The following TMEM272 variants were observed in gnomAD, a reference collection of about 807,000 sequenced individuals.
TMEM272 encodes the protein long intergenic non-protein coding RNA 282.
Under a neutral mutation model 3.7 loss-of-function variants are expected in TMEM272, and 8 were observed. That is an observed-to-expected ratio of 2.17 (90% CI 1.27 to 3.91). The LOEUF is 3.91. Among genes scored for constraint, TMEM272 ranks in the 30% most tolerant of loss-of-function variants. The probability of loss-of-function intolerance (pLI) is 0.00; values close to 1 mark genes in which losing one functional copy is unlikely to be tolerated. For missense variants in TMEM272, 166 were observed against 91.5 expected (o/e 1.81, Z -3.32); for synonymous variants, 63 against 39.8 (o/e 1.58, Z -2.20).
the TMEM272 span, among the ~76,000 whole-genome samples, chr13:51,887,192 T>C: frequency 7.9e-4 from 120 of 152,314 alleles, no homozygotes; most frequent in African/African-American, 2.8e-3. Context: ...CTGGTGGTCT[T>C]ATGGGGGAGT....
chr13:51,825,507 A>G (rs1188792702), intron 3 of TMEM272, among the ~76,000 whole-genome samples: 1 of 152,152 alleles, frequency 6.6e-6, no homozygotes, highest in African/African-American at 2.4e-5. Context: ...TTAAGCAATT[A>G]GGGTACTGGG....
the TMEM272 span, among the ~76,000 whole-genome samples, chr13:51,918,172 G>A: frequency 7.9e-5 from 12 of 152,174 alleles, no homozygotes; most frequent in African/African-American, 2.2e-4. Context: ...TGTTTCTCTC[G>A]AAGGCCCTCT....
chr13:51,898,732 C>T, the TMEM272 span, among the ~76,000 whole-genome samples: 22 of 151,428 alleles, frequency 1.5e-4, no homozygotes, highest in African/African-American at 3.9e-4. Flanking sequence ...CCTGCTAAGA[C>T]GGCACTGTTG....
chr13:51,824,515 C>T (rs1195962152), intron 3 of TMEM272, among the ~76,000 whole-genome samples: 1 of 152,198 alleles, frequency 6.6e-6, no homozygotes, highest in African/African-American at 2.4e-5. Flanking sequence ...ACCAATATTG[C>T]TCTAGAAGCA....
chr13:51,831,696 G>T (rs1233782058), intron 2 of TMEM272, among the ~76,000 whole-genome samples: 1 of 152,248 alleles, frequency 6.6e-6, no homozygotes, highest in Non-Finnish European at 1.5e-5. Flanking sequence ...GGGGCATCTG[G>T]TTACCCACTC....
the TMEM272 span, among the ~76,000 whole-genome samples, chr13:51,894,796 A>G: frequency 1.3e-4 from 20 of 152,100 alleles, no homozygotes; most frequent in African/African-American, 4.6e-4. Context: ...TTTAGTGTGC[A>G]CTTGATTTCT....
At chr13:51,865,662 A>T in the TMEM272 span, 8 of 1,614,186 alleles carry the variant, frequency 5.0e-6, no homozygotes, top group Non-Finnish European at 6.8e-6. Flanking sequence ...CCTTTCTGGG[A>T]AGAGGAGAAA....
the TMEM272 span, chr13:51,865,928 C>T: frequency 6.2e-7 from 1 of 1,613,874 alleles, no homozygotes; most frequent in East Asian, 2.2e-5. Flanking sequence ...TAAAACGTCC[C>T]TCTGGGAGGA....
At chr13:51,833,124 G>GA (rs1168528202) in intron 2 of TMEM272, among the ~76,000 whole-genome samples, 6 of 152,026 alleles carry the variant, frequency 3.9e-5, no homozygotes, top group African/African-American at 1.2e-4. Flanking sequence ...TCTGTCAAAG[G>GA]AAAAAAGCCC....
the TMEM272 span, chr13:51,921,578 C>A: frequency 6.6e-6 from 1 of 152,340 alleles, no homozygotes; most frequent in African/African-American, 2.4e-5. Context: ...ACACCAGGCA[C>A]CCTCTTCCTC....
the TMEM272 span, among the ~76,000 whole-genome samples, chr13:51,905,743 G>A: frequency 6.6e-6 from 1 of 152,240 alleles, no homozygotes; most frequent in Non-Finnish European, 1.5e-5. Context: ...GGTTTCCAAA[G>A]AAACAGAATG....
At chr13:51,872,171 A>C in the TMEM272 span, among the ~76,000 whole-genome samples, 1 of 152,242 alleles carries the variant, frequency 6.6e-6, no homozygotes, top group South Asian at 2.1e-4. Context: ...GGGAGAAAGA[A>C]GCTTCTAAAA....
the TMEM272 span, chr13:51,908,372 G>A: frequency 1.4e-5 from 21 of 1,501,902 alleles, no homozygotes; most frequent in Non-Finnish European, 1.6e-5. Context: ...TCGGTGGACA[G>A]ACATTTCTCA....
the TMEM272 span, among the ~76,000 whole-genome samples, chr13:51,882,386 TA>T: frequency 1.3e-5 from 2 of 152,248 alleles, no homozygotes; most frequent in Non-Finnish European, 2.9e-5. Flanking sequence ...TGTCTGATCT[TA>T]AATAGAATAC....
chr13:51,817,295 T>C (rs1402963897), intron 4 of TMEM272, among the ~76,000 whole-genome samples, 182 bp from the exon 5 acceptor site: 3 of 152,168 alleles, frequency 2.0e-5, no homozygotes, highest in Non-Finnish European at 4.4e-5. Context: ...CGAAATTTAA[T>C]TTGAAGAATA....
At chr13:51,834,973 G>C (rs1239631018) in intron 2 of TMEM272, among the ~76,000 whole-genome samples, 1 of 152,164 alleles carries the variant, frequency 6.6e-6, no homozygotes, top group East Asian at 1.9e-4. Flanking sequence ...AGTGCCAGAT[G>C]GGGAGGCTGG....
the TMEM272 span, among the ~76,000 whole-genome samples, chr13:51,914,304 C>T: frequency 3.3e-4 from 50 of 152,294 alleles, no homozygotes; most frequent in Non-Finnish European, 5.9e-4. Flanking sequence ...ATATTAAGCT[C>T]GTTTAATACA....
chr13:51,888,053 T>C, the TMEM272 span, among the ~76,000 whole-genome samples: 1 of 152,076 alleles, frequency 6.6e-6, no homozygotes, highest in Non-Finnish European at 1.5e-5. Flanking sequence ...AATCTTTTTT[T>C]TTTTTTTTGA....
the TMEM272 span, among the ~76,000 whole-genome samples, chr13:51,860,782 T>C: frequency 2.3e-3 from 339 of 149,248 alleles, 1 homozygote; most frequent in African/African-American, 7.9e-3. Context: ...ATACATATAC[T>C]TTTATATAGA....
Sources: allele counts gnomAD v4.1 joint callset (sites outside exome capture counted in the v4.1 genomes callset), GRCh38; gene constraint gnomAD v4.1.1; transcripts MANE v1.5; gene names NCBI Gene and HGNC (gene_info 2026-07-23, HGNC 2026-07-21).